Variants in NUDT12 observed in about 807,000 individuals in gnomAD.
NUDT12 encodes the protein NAD-capped RNA hydrolase NUDT12.
Under a neutral mutation model 45.7 loss-of-function variants are expected in NUDT12, and 42 were observed. The ratio of observed to expected loss-of-function variants is 0.92; its 90% CI spans 0.72 to 1.19. The LOEUF (loss-of-function observed/expected upper bound fraction) is 1.19. Ranked by LOEUF, NUDT12 falls within the 50% of genes most tolerant of loss-of-function variation. The pLI is 0.00. For synonymous variants in NUDT12, 206 were observed against 179.7 expected (o/e 1.15, Z -1.17); for missense variants, 590 against 533.1 (o/e 1.11, Z -1.05).
intron 4 of NUDT12, among the ~76,000 whole-genome samples, chr5:103,555,073 T>C (rs10078744): frequency 0.13 from 19,477 of 151,996 alleles, 1,444 homozygotes; most frequent in Middle Eastern, 0.24. Flanking sequence ...AGGAAGACCA[T>C]TTTTGTCCTT....
intron 5 of NUDT12, among the ~76,000 whole-genome samples, chr5:103,553,276 G>T: frequency 6.6e-6 from 1 of 151,842 alleles, no homozygotes; most frequent in Non-Finnish European, 1.5e-5. Flanking sequence ...ACATATTTAA[G>T]AATTCTTAAA....
intron 1 of NUDT12, 70 bp from the exon 2 acceptor site, chr5:103,560,324 A>C: frequency 1.1e-6 from 1 of 882,098 alleles, no homozygotes; most frequent in Non-Finnish European, 1.8e-6. Context: ...CAATATTGAT[A>C]AATAGCAATA....
Position 103,558,985 on chromosome 5 carries a change from T to C in NUDT12, c.690A>G (p.Leu230=). ...CTTCAGCAGCAATAGGATCTATACC[T>C]AGAGCAAACCAGGCAACCAATCCAT... ...EEDGLVAWFA[L]GIDPIAAEEF... The change falls in exon 3 of 7, where the codon CTA becomes CTG. Residue 230 remains leucine (L), a synonymous_variant. Coordinates refer to ENST00000230792, the MANE Select transcript of NUDT12 (RefSeq NM_031438.4). 6.2e-7 allele frequency: 1 copy of C among 1,613,812 alleles called. No individual in the cohort carries two copies. Among genetic ancestry groups the C allele is most frequent in the Non-Finnish European group, 8.5e-7 (1 of 1,179,744 alleles).
In NUDT12 at chr5:103,559,218, A is replaced by G; in HGVS notation, c.457T>C (p.Phe153Leu). Residue 153 changes from phenylalanine to leucine, a missense_variant, in exon 3 of 7, where the codon TTC (phenylalanine) becomes CTC (leucine). Coordinates refer to ENST00000230792, the MANE Select transcript of NUDT12 (RefSeq NM_031438.4). ...ESHPATVFIL[F>L]SDLNPLVTLG... ...GTAACCAAGGGATTTAAATCTGAGA[A>G]AAGAATAAAAACTGTGGCTGGATGG... is the stretch of plus-strand genomic sequence containing the variant. 6.4e-7 allele frequency: 1 copy of G among 1,559,352 alleles called. No homozygotes were observed. Among genetic ancestry groups the G allele is most frequent in the East Asian group, 2.3e-5 (1 of 44,406 alleles).
chr5:103,557,518 C>T (rs1424335719), intron 3 of NUDT12, among the ~76,000 whole-genome samples: 2 of 151,732 alleles, frequency 1.3e-5, no homozygotes, highest in Non-Finnish European at 2.9e-5. Flanking sequence ...GTTCGTTTCA[C>T]TCCACTGACG....
rs753733772 is a variant in NUDT12 at position 103,560,125 on chromosome 5, TTTCA to T, written c.120_123del (p.Asn40LysfsTer10). The T allele has an allele frequency of 1.9e-6, 3 of 1,613,964 alleles. No individual in the cohort carries two copies. In the Admixed American group the frequency reaches 5.0e-5, roughly 27 times the overall value. On this transcript the variant is annotated frameshift_variant, in exon 2 of 7. Coordinates refer to ENST00000230792, the MANE Select transcript of NUDT12 (RefSeq NM_031438.4). LOFTEE classifies it high-confidence loss of function. ...AAAGCAGTCCAGCCATTTTCAGAAG[TTTCA>T]TTGAGAAGAGATGGAGAATGACTGA...
At position 103,556,072 on chromosome 5, in the gene NUDT12, G is replaced by A. The variant is rs144015299; in HGVS notation, c.823C>T (p.Leu275Phe). The A allele has an allele frequency of 2.0e-4, 314 of 1,609,182 alleles. No homozygotes were observed. In the Middle Eastern group the frequency reaches 5.3e-3, roughly 27 times the overall value. The change falls in exon 4 of 7, where the codon CTT (leucine) becomes TTT (phenylalanine). Residue 275 changes from leucine to phenylalanine, a missense_variant. Physicochemically the swap from Leu to Phe is conservative, Grantham distance 22 (BLOSUM62 0). Coordinates refer to ENST00000230792, the MANE Select transcript of NUDT12 (RefSeq NM_031438.4). ...AACTTGTATCGACTGTGCCAGGCAA[G>A]AACAGATCTTGCTTGAGCTACAACC... Reference protein sequence around the residue: ...AGVVAQARSVLAWHSRYKFCP... With the variant: ...AGVVAQARSVFAWHSRYKFCP...
intron 2 of NUDT12, 100 bp downstream of exon 2, chr5:103,559,943 C>A: frequency 1.3e-6 from 1 of 765,346 alleles, no homozygotes; most frequent in South Asian, 1.8e-5. Context: ...TTTAGTAGTT[C>A]AACAATATAA....
Position 103,560,257 on chromosome 5 carries a change from T to C in NUDT12, c.-6-3A>G. 6.3e-7 allele frequency: 1 copy of C among 1,597,756 alleles called. No homozygotes were observed. Among genetic ancestry groups the C allele is most frequent in the Non-Finnish European group, 8.6e-7 (1 of 1,165,910 alleles). On this transcript the variant is annotated splice_polypyrimidine_tract_variant and splice_region_variant and intron_variant, in intron 1 of 6. Transcript: ENST00000230792. ...CTTTTTACAGAAGACATTTCTTCCTTAAAAGAAGGAAAATCAGGGGAAAAA... is the reference window on the plus strand; with the variant it reads ...CTTTTTACAGAAGACATTTCTTCCTCAAAAGAAGGAAAATCAGGGGAAAAA...
At position 103,550,904 on chromosome 5, in the gene NUDT12, T is replaced by C. The variant is rs751212403; in HGVS notation, c.1346A>G (p.His449Arg). ...TCTAATCCAGTGTTTGATTAATTGA[T>C]GTGCAATAGCTCGGCTTGGTGGCAC... is the stretch of plus-strand genomic sequence containing the variant. ...FFVPPSRAIA[H>R]QLIKHWIRIN... is the part of the protein sequence containing the mutation. The change falls in exon 7 of 7, where the codon CAT becomes CGT. Residue 449 changes from histidine to arginine, a missense_variant. Physicochemically the swap from His to Arg is conservative, Grantham distance 29. Transcript: ENST00000230792. 13 of 1,613,764 alleles carry C rather than the reference T, an allele frequency of 8.1e-6. No homozygotes were observed. In the South Asian group the frequency reaches 1.1e-4, roughly 14 times the overall value.
intron 5 of NUDT12, among the ~76,000 whole-genome samples, chr5:103,553,122 A>C: frequency 6.6e-6 from 1 of 152,084 alleles, no homozygotes; most frequent in Non-Finnish European, 1.5e-5. Context: ...TTTTAAATAT[A>C]GCTTTCTATT....
chr5:103,560,173 C>A lies in NUDT12; in HGVS notation c.76G>T (p.Ala26Ser). 1 of 1,613,698 alleles carries A rather than the reference C, an allele frequency of 6.2e-7. No homozygotes were observed. The highest frequency in any genetic ancestry group is 1.1e-5 in the South Asian group (1 of 91,064). The change falls in exon 2 of 7, where the codon GCC becomes TCC. Residue 26 changes from alanine to serine, a missense_variant. By Grantham distance (99) the Ala-to-Ser change is moderately conservative. Transcript: ENST00000230792. ...FHCSAAEGDIAKLTGILSHSP... is the reference protein window; with the variant it reads ...FHCSAAEGDISKLTGILSHSP... ...TGACTGAGTATTCCTGTTAACTTGG[C>A]AATATCTCCTTCAGCAGCTGAACAG...
rs981117690 is a variant in NUDT12, at chr5:103,559,376, G to C, written c.299C>G (p.Thr100Ser). ...GYKHIANLLA[T>S]AKGGKKPWFL... The stretch of plus-strand genomic sequence containing the variant: ...CCAAGGCTTCTTCCCACCTTTAGCA[G>C]TAGCTAGTAAATTAGCTATATGCTT... The change falls in exon 3 of 7, where the codon ACT (threonine) becomes AGT (serine). Residue 100 changes from threonine to serine, a missense_variant. Coordinates refer to ENST00000230792, the MANE Select transcript of NUDT12 (RefSeq NM_031438.4). 4.3e-6 allele frequency: 7 copies of C among 1,612,730 alleles called. No individual in the cohort carries two copies. Among genetic ancestry groups the C allele is most frequent in the Non-Finnish European group, 5.9e-6 (7 of 1,179,278 alleles).
Position 103,559,127 on chromosome 5 carries a change from T to G in NUDT12, c.548A>C (p.Asp183Ala), listed in dbSNP as rs1459339955. Reference protein sequence around the residue: ...EVRLCQLNYTDIKDYLAQPEK... With the variant: ...EVRLCQLNYTAIKDYLAQPEK... ...AGGCTGGGCCAAATAATCCTTTATATCTGTGTAGTTCAGCTGACAAAGCCT... is the reference window on the plus strand; with the variant it reads ...AGGCTGGGCCAAATAATCCTTTATAGCTGTGTAGTTCAGCTGACAAAGCCT... The change falls in exon 3 of 7, where the codon GAT becomes GCT. Residue 183 changes from aspartate to alanine, a missense_variant. Transcript: ENST00000230792. 6.3e-7 allele frequency: 1 copy of G among 1,587,830 alleles called. No individual in the cohort carries two copies.
At chr5:103,557,769 G>C (rs1748875090) in intron 3 of NUDT12, among the ~76,000 whole-genome samples, 1 of 151,602 alleles carries the variant, frequency 6.6e-6, no homozygotes. Context: ...CCTGCTTGCA[G>C]CTTACCTTTA....
chr5:103,557,996 C>G (rs563588223), intron 3 of NUDT12, among the ~76,000 whole-genome samples: 1 of 151,892 alleles, frequency 6.6e-6, no homozygotes, highest in Admixed American at 6.6e-5. Context: ...TCCTGCTTTC[C>G]TTGCTCTAAC....
At chr5:103,559,514 TAAACA>T in intron 2 of NUDT12, 46 bp from the exon 3 acceptor site, 1 of 962,838 alleles carries the variant, frequency 1.0e-6, no homozygotes, top group Non-Finnish European at 1.5e-6. Context: ...AAATAGGAAG[TAAACA>T]CTTTCTCCGT....
In NUDT12 at chr5:103,550,932, A is replaced by C. The variant is rs749027720; in HGVS notation, c.1318T>G (p.Phe440Val). ...VLTKGKQQAFFVPPSRAIAHQ... is the reference protein window; with the variant it reads ...VLTKGKQQAFVVPPSRAIAHQ... ...GCAATAGCTCGGCTTGGTGGCACAAAGAATGCCTGCTGCTTCCCTTTGGTC... is the reference window on the plus strand; with the variant it reads ...GCAATAGCTCGGCTTGGTGGCACAACGAATGCCTGCTGCTTCCCTTTGGTC... The change falls in exon 7 of 7, where the codon TTT becomes GTT. Residue 440 changes from phenylalanine to valine, a missense_variant. Coordinates refer to ENST00000230792, the MANE Select transcript of NUDT12 (RefSeq NM_031438.4). 17 of 1,613,726 alleles carry C rather than the reference A, an allele frequency of 1.1e-5. No individual in the cohort carries two copies. The highest frequency in any genetic ancestry group is 1.3e-5 in the Non-Finnish European group (15 of 1,179,858).
chr5:103,554,284 G>A (rs1748743068), intron 5 of NUDT12, among the ~76,000 whole-genome samples: 1 of 152,004 alleles, frequency 6.6e-6, no homozygotes, highest in Admixed American at 6.6e-5. Flanking sequence ...AAATTAGTAA[G>A]TACATATATA....
Sources: gnomAD v4.1 joint callset for allele counts (sites outside exome capture counted in the v4.1 genomes callset) on GRCh38, gnomAD v4.1.1 for gene constraint, MANE v1.5 for transcripts, NCBI Gene and HGNC (gene_info 2026-07-23, HGNC 2026-07-21) for gene names.